CDH12: variants seen among roughly 807,000 people sequenced by gnomAD.
CDH12 encodes the protein cadherin 12, also known as cadherin-12.
A neutral mutation model predicts 74.1 loss-of-function variants in CDH12; 41 were observed. That is an observed-to-expected ratio of 0.55 (90% CI 0.43 to 0.72). CDH12 has a LOEUF of 0.72. Ranked by LOEUF, CDH12 falls within the 30% of genes least tolerant of loss-of-function variation. The pLI, the probability that CDH12 is intolerant of heterozygous loss-of-function variation, is 0.00. For synonymous variants in CDH12, 399 were observed against 355.0 expected (o/e 1.12, Z -1.39); for missense variants, 945 against 977.2 (o/e 0.97, Z 0.44).
At chr5:22,472,495 A>G (rs375880613) in intron 2 of CDH12, among the ~76,000 whole-genome samples, 1 of 152,124 alleles carries the variant, frequency 6.6e-6, no homozygotes, top group African/African-American at 2.4e-5. Context: ...AACCTCAGAC[A>G]TGGATATCCA....
chr5:22,490,307 T>C (rs897025403), intron 2 of CDH12, among the ~76,000 whole-genome samples: 1 of 152,204 alleles, frequency 6.6e-6, no homozygotes, highest in African/African-American at 2.4e-5. Context: ...TTTTATTCTC[T>C]TATAATATTG....
At chr5:21,904,998 G>A (rs934906436) in intron 6 of CDH12, among the ~76,000 whole-genome samples, 2 of 152,152 alleles carry the variant, frequency 1.3e-5, no homozygotes, top group Non-Finnish European at 2.9e-5. Context: ...GTGATGTACA[G>A]GAAAGAAAAT....
At chr5:22,509,207 T>C (rs1196152961) in intron 1 of CDH12, among the ~76,000 whole-genome samples, 1 of 152,182 alleles carries the variant, frequency 6.6e-6, no homozygotes, top group South Asian at 2.1e-4. Context: ...TGTTACTTAA[T>C]AATGAAACTC....
intron 10 of CDH12, among the ~76,000 whole-genome samples, chr5:21,791,547 C>A (rs1746497865): frequency 6.6e-6 from 1 of 151,792 alleles, no homozygotes; most frequent in South Asian, 2.1e-4. Flanking sequence ...AATATTTAAA[C>A]AGAAAGTATG....
intron 2 of CDH12, among the ~76,000 whole-genome samples, chr5:22,417,003 C>T (rs1344420545): frequency 6.6e-6 from 1 of 152,112 alleles, no homozygotes; most frequent in Non-Finnish European, 1.5e-5. Context: ...ACATATTAGT[C>T]TCAAGACTTC....
intron 4 of CDH12, among the ~76,000 whole-genome samples, chr5:22,119,408 GCCT>G (rs1745372550): frequency 6.7e-6 from 1 of 149,524 alleles, no homozygotes; most frequent in Admixed American, 6.8e-5. Flanking sequence ...TCCTGCTTCA[GCCT>G]CCCAAGTAGC....
intron 6 of CDH12, among the ~76,000 whole-genome samples, chr5:21,882,297 C>T (rs1752392230): frequency 6.6e-6 from 1 of 152,080 alleles, no homozygotes; most frequent in African/African-American, 2.4e-5. Context: ...ACATGCACAG[C>T]CACACACAGA....
At chr5:22,108,665 A>C (rs1363853058) in intron 4 of CDH12, among the ~76,000 whole-genome samples, 2 of 152,236 alleles carry the variant, frequency 1.3e-5, no homozygotes, top group African/African-American at 4.8e-5. Flanking sequence ...ATAGGAACTC[A>C]TCATATGGGC....
intron 4 of CDH12, among the ~76,000 whole-genome samples, chr5:22,184,460 T>G (rs1445960340): frequency 6.6e-6 from 1 of 152,222 alleles, no homozygotes; most frequent in Admixed American, 6.5e-5. Context: ...GAGCTCCTTC[T>G]TCATCCATTC....
At chr5:22,572,690 T>C (rs557785237) in intron 1 of CDH12, among the ~76,000 whole-genome samples, 36 of 152,308 alleles carry the variant, frequency 2.4e-4, no homozygotes, top group South Asian at 6.2e-4. Context: ...GGTTGAATAC[T>C]GAAAGGGCTA....
chr5:22,625,090 C>G (rs572693941), intron 1 of CDH12, among the ~76,000 whole-genome samples: 81 of 152,190 alleles, frequency 5.3e-4, no homozygotes, highest in Non-Finnish European at 1.1e-3. Flanking sequence ...TGTTCTCACT[C>G]ACAGGTGGGA....
At chr5:22,688,346 T>G (rs1470424629) in intron 1 of CDH12, among the ~76,000 whole-genome samples, 1 of 152,054 alleles carries the variant, frequency 6.6e-6, no homozygotes, top group African/African-American at 2.4e-5. Flanking sequence ...TTTTAATAAG[T>G]CATGTGGGTA....
chr5:22,744,988 A>G (rs542863815), intron 1 of CDH12, among the ~76,000 whole-genome samples: 1 of 151,698 alleles, frequency 6.6e-6, no homozygotes, highest in South Asian at 2.1e-4. Flanking sequence ...TATAATTAAC[A>G]CTCAATAATT....
At chr5:22,434,890 G>T (rs1299968648) in intron 2 of CDH12, among the ~76,000 whole-genome samples, 2 of 151,986 alleles carry the variant, frequency 1.3e-5, no homozygotes, top group African/African-American at 4.8e-5. Flanking sequence ...AATTGCCTTT[G>T]CAAAATTATG....
intron 11 of CDH12, among the ~76,000 whole-genome samples, chr5:21,773,667 T>C (rs1345417995): frequency 6.6e-6 from 1 of 152,272 alleles, no homozygotes; most frequent in East Asian, 1.9e-4. Context: ...GGACTTCACC[T>C]TGTGATCCTG....
chr5:22,346,071 A>T (rs1285932201), intron 3 of CDH12, among the ~76,000 whole-genome samples: 1 of 146,382 alleles, frequency 6.8e-6, no homozygotes, highest in Non-Finnish European at 1.5e-5. Flanking sequence ...GCACCATTGT[A>T]CTCCATCCTG....
chr5:22,726,336 G>T (rs1379786324), intron 1 of CDH12, among the ~76,000 whole-genome samples: 1 of 151,622 alleles, frequency 6.6e-6, no homozygotes, highest in Non-Finnish European at 1.5e-5. Context: ...TTAGAAATAT[G>T]CCTTTAAGTT....
chr5:21,944,463 C>T (rs532159335), intron 6 of CDH12, among the ~76,000 whole-genome samples: 2 of 152,156 alleles, frequency 1.3e-5, no homozygotes, highest in African/African-American at 2.4e-5. Context: ...TATACTTAAA[C>T]TTCTAAAGAA....
At chr5:21,924,090 C>A (rs1159507381) in intron 6 of CDH12, among the ~76,000 whole-genome samples, 2 of 152,094 alleles carry the variant, frequency 1.3e-5, no homozygotes, top group South Asian at 2.1e-4. Context: ...AACAACACCA[C>A]TAATGCAATT....
Sources: allele counts gnomAD v4.1 joint callset (sites outside exome capture counted in the v4.1 genomes callset), GRCh38; gene constraint gnomAD v4.1.1; transcripts MANE v1.5; gene names NCBI Gene and HGNC (gene_info 2026-07-23, HGNC 2026-07-21).